The following OCM2 variants were observed in gnomAD, a reference collection of about 807,000 sequenced individuals.
The protein encoded by OCM2 is oncomodulin-2.
Under a neutral mutation model 13.6 loss-of-function variants are expected in OCM2, and 6 were observed. The ratio of observed to expected loss-of-function variants is 0.44; its 90% CI spans 0.24 to 0.87. The LOEUF (loss-of-function observed/expected upper bound fraction) is 0.87. Ranked by LOEUF, OCM2 falls within the 40% of genes least tolerant of loss-of-function variation. The probability of loss-of-function intolerance (pLI) is 0.22; values close to 1 mark genes in which losing one functional copy is unlikely to be tolerated. For synonymous variants in OCM2, 40 were observed against 50.7 expected, an observed-to-expected ratio of 0.79 and a Z score of 0.90; for missense variants, 118 against 136.8, an observed-to-expected ratio of 0.86 and a Z score of 0.68.
chr7:97,988,211 A>ATT (rs1298026373), intron 2 of OCM2, among the ~76,000 whole-genome samples: 2 of 151,420 alleles, frequency 1.3e-5, no homozygotes. Flanking sequence ...GAATCTTTGC[A>ATT]CCTGTAGTCT....
rs763824051 is a variant in OCM2, at chr7:97,988,493, C to T, written c.117G>A (p.Met39Ile). The T allele has an allele frequency of 6.2e-6, 10 of 1,614,166 alleles. No individual in the cohort carries two copies. Among genetic ancestry groups the T allele is most frequent in the East Asian group, 2.2e-5 (1 of 44,874 alleles). Residue 39 changes from methionine (M) to isoleucine (I), a missense_variant, in exon 2 of 4, where the codon ATG becomes ATA. Physicochemically the swap from Met to Ile is conservative, Grantham distance 10. Transcript: ENST00000257627. The stretch of plus-strand genomic sequence containing the variant: ...AAACATCCTTCACCTGACTGGCTGA[C>T]ATCTTGGAGAGGCCTGACGTCTGGA...
chr7:97,989,094 C>A (rs1442127230), intron 1 of OCM2, among the ~76,000 whole-genome samples: 1 of 151,784 alleles, frequency 6.6e-6, no homozygotes, highest in Non-Finnish European at 1.5e-5. Flanking sequence ...CCATGCCCAG[C>A]TCATTTTTGT....
chr7:97,990,074 C>T lies in OCM2; in HGVS notation c.31G>A (p.Asp11Asn), dbSNP rs761610491. 1.9e-6 allele frequency: 3 copies of T among 1,601,454 alleles called. No homozygotes were observed. The South Asian group carries it at 3.3e-5, about 18-fold the overall frequency. Residue 11 changes from aspartate to asparagine, a missense_variant, in exon 1 of 4, where the codon GAC (aspartate) becomes AAC (asparagine). Physicochemically the swap from Asp to Asn is conservative, Grantham distance 23. Transcript: ENST00000257627. Reference sequence around the variant, plus strand: ...CATTCCTGGAGCGCTGCTGCAATGTCATCAGCACTGAGCACGTCCGTGATG... The same window carrying T: ...CATTCCTGGAGCGCTGCTGCAATGTTATCAGCACTGAGCACGTCCGTGATG...
exon 1 of OCM2, chr7:97,990,136 G>A: frequency 1.2e-6 from 2 of 1,607,606 alleles, no homozygotes; most frequent in South Asian, 2.2e-5. Context: ...TAAACGAGAG[G>A]CGATAAGCCA....
intron 3 of OCM2, among the ~76,000 whole-genome samples, chr7:97,985,418 C>CA (rs60506626): frequency 0.012 from 1,051 of 89,390 alleles, 8 homozygotes; most frequent in African/African-American, 0.026. Context: ...GACTCCATCT[C>CA]AAAAAAAAAA....
chr7:97,989,898 T>G (rs1794714966), intron 1 of OCM2, 146 bp downstream of exon 1: 5 of 678,044 alleles, frequency 7.4e-6, no homozygotes, highest in Non-Finnish European at 1.0e-5. Flanking sequence ...GACCTCGTGA[T>G]CCACCCACCT....
At chr7:97,985,070 G>T (rs550364916) in intron 3 of OCM2, 87 bp from the exon 4 acceptor site, 4 of 1,577,510 alleles carry the variant, frequency 2.5e-6, no homozygotes, top group Admixed American at 1.7e-5. Flanking sequence ...TCCAAAGAGG[G>T]AAGGAAGCAA....
intron 1 of OCM2, 73 bp from the exon 2 acceptor site, chr7:97,988,621 C>T: frequency 6.3e-7 from 1 of 1,582,892 alleles, no homozygotes; most frequent in Non-Finnish European, 8.6e-7. Context: ...GTACTGAAAA[C>T]ACAGATGATT....
chr7:97,990,030 C>CCCCACCCCACAACCA lies in OCM2; in HGVS notation c.61+13_61+14insTGGTTGTGGGGTGGG. The CCCCACCCCACAACCA allele has an allele frequency of 1.3e-6, 2 of 1,571,160 alleles. No individual in the cohort carries two copies. The highest frequency in any genetic ancestry group is 1.8e-6 in the Non-Finnish European group (2 of 1,141,466). The stretch of plus-strand genomic sequence containing the variant: ...CTGTGAGGAAATCCCACCCCCGCCC[C>CCCCACCCCACAACCA]ACGTCCCCTCTACCTTGGCATTCCT... On this transcript the variant is annotated intron_variant, in intron 1 of 3. Transcript: ENST00000257627.
At chr7:97,990,016 T>TGGGCGCCC in intron 1 of OCM2, 28 bp downstream of exon 1, 1 of 1,083,840 alleles carries the variant, frequency 9.2e-7, no homozygotes, top group Non-Finnish European at 1.4e-6. Flanking sequence ...TGTGAGGAAA[T>TGGGCGCCC]CCCACCCCCG....
chr7:97,990,153 G>A (rs762641221), exon 1 of OCM2: 1 of 1,564,592 alleles, frequency 6.4e-7, no homozygotes, highest in South Asian at 1.1e-5. Context: ...GCCACAAACA[G>A]GAACGTGCAC....
chr7:97,988,188 C>A (rs1212972325), intron 2 of OCM2, among the ~76,000 whole-genome samples: 3 of 147,122 alleles, frequency 2.0e-5, no homozygotes, highest in Non-Finnish European at 3.0e-5. Flanking sequence ...GGCCCTGTCT[C>A]AAAAAAAAAA....
In OCM2 at chr7:97,988,427, T is replaced by G. The variant is rs143153590; in HGVS notation, c.183A>C (p.Glu61Asp). ...AGGACAAAGCTTACTTAAGCTCTTC[T>G]TCATCCAGATACCCGCTCTGGTCGT... Residue 61 changes from glutamate (E) to aspartate (D), a missense_variant, in exon 2 of 4, where the codon GAA becomes GAC. Glu to Asp is a conservative substitution (Grantham distance 45). Transcript: ENST00000257627. 212 of 1,614,152 alleles carry G rather than the reference T, an allele frequency of 1.3e-4. 1 individual carries two copies. The African/African-American group carries it at 2.3e-3, about 17-fold the overall frequency.
chr7:97,986,846 A>ATAAAC (rs572875039), intron 3 of OCM2, among the ~76,000 whole-genome samples: 5 of 152,178 alleles, frequency 3.3e-5, no homozygotes, highest in Admixed American at 3.3e-4. Context: ...GCTTCTATAT[A>ATAAAC]CCTACCGAGA....
chr7:97,989,458 G>A (rs961891396), intron 1 of OCM2, among the ~76,000 whole-genome samples: 4 of 151,620 alleles, frequency 2.6e-5, no homozygotes, highest in African/African-American at 7.3e-5. Flanking sequence ...GGAGTGCAGT[G>A]TAGCGATCAT....
At chr7:97,986,164 T>G (rs1408021388) in intron 3 of OCM2, among the ~76,000 whole-genome samples, 1 of 152,138 alleles carries the variant, frequency 6.6e-6, no homozygotes, top group African/African-American at 2.4e-5. Context: ...CTGCCCACCT[T>G]GGCCTCCAAA....
chr7:97,988,504 G>A (rs757238747), exon 2 of OCM2: 2 of 1,614,188 alleles, frequency 1.2e-6, no homozygotes, highest in South Asian at 2.2e-5. Context: ...ATCTTGGAGA[G>A]GCCTGACGTC....
intron 2 of OCM2, among the ~76,000 whole-genome samples, chr7:97,987,734 G>A (rs553037484): frequency 1.6e-4 from 25 of 152,120 alleles, no homozygotes; most frequent in African/African-American, 6.0e-4. Flanking sequence ...CCAGGCTGGA[G>A]TGCAGCTGCA....
intron 3 of OCM2, among the ~76,000 whole-genome samples, chr7:97,986,066 C>A (rs1267826248): frequency 2.0e-5 from 3 of 152,144 alleles, no homozygotes; most frequent in African/African-American, 7.2e-5. Context: ...GTGCCCACCA[C>A]CATGCCCGGC....
Sources: gnomAD v4.1 joint callset for allele counts (sites outside exome capture counted in the v4.1 genomes callset) on GRCh38, gnomAD v4.1.1 for gene constraint, MANE v1.5 for transcripts, NCBI Gene and HGNC (gene_info 2026-07-23, HGNC 2026-07-21) for gene names.